RARB: variants seen among roughly 807,000 people sequenced by gnomAD.
The protein encoded by RARB is HBV-activated protein.
RARB carries 17 observed loss-of-function variants against 51.9 expected under a neutral mutation model. That is an observed-to-expected ratio of 0.33 (90% CI 0.22 to 0.49). The LOEUF (loss-of-function observed/expected upper bound fraction) is 0.49, where lower values mean the gene tolerates loss of function less well. RARB is among the 20% of genes least tolerant of loss of function. The pLI is 0.99. For missense variants in RARB, 369 were observed against 550.8 expected, an observed-to-expected ratio of 0.67 and a Z score of 3.30; for synonymous variants, 215 against 195.4, an observed-to-expected ratio of 1.10 and a Z score of -0.84.
At chr3:25,192,423 C>A (rs1156710146) in intron 5 of RARB, among the ~76,000 whole-genome samples, 1 of 151,976 alleles carries the variant, frequency 6.6e-6, no homozygotes, top group East Asian at 1.9e-4. Context: ...ATAAGATACA[C>A]CTATTCAATA....
At chr3:25,180,384 GAATC>G (rs1700837862) in intron 5 of RARB, among the ~76,000 whole-genome samples, 1 of 152,212 alleles carries the variant, frequency 6.6e-6, no homozygotes, top group Non-Finnish European at 1.5e-5. Context: ...GGAAAAGTTA[GAATC>G]ATGACAATGG....
intron 2 of RARB, among the ~76,000 whole-genome samples, chr3:24,913,211 C>T (rs964482158): frequency 4.6e-5 from 7 of 151,408 alleles, no homozygotes; most frequent in Admixed American, 2.0e-4. Context: ...GTCTCGATCT[C>T]CTGACCTCCT....
chr3:25,386,365 G>C (rs1008574376), intron 5 of RARB, among the ~76,000 whole-genome samples: 2 of 152,224 alleles, frequency 1.3e-5, no homozygotes, highest in African/African-American at 4.8e-5. Flanking sequence ...GCTAGCATGG[G>C]AGGGCCTTGT....
chr3:24,941,884 T>C, intron 2 of RARB, among the ~76,000 whole-genome samples: 1 of 152,210 alleles, frequency 6.6e-6, no homozygotes, highest in East Asian at 1.9e-4. Context: ...AAGCGTAAAC[T>C]TAATCTTCTG....
At chr3:25,233,921 A>G (rs1386872257) in intron 5 of RARB, among the ~76,000 whole-genome samples, 1 of 151,980 alleles carries the variant, frequency 6.6e-6, no homozygotes, top group Non-Finnish European at 1.5e-5. Flanking sequence ...TGTCCCCAGA[A>G]TAAACTCCCA....
intron 5 of RARB, among the ~76,000 whole-genome samples, chr3:25,275,150 C>G (rs550836979): frequency 6.6e-6 from 1 of 152,310 alleles, no homozygotes; most frequent in South Asian, 2.1e-4. Context: ...TACCCACAGA[C>G]TCTCCGTGAG....
chr3:25,322,559 T>C (rs896826449), intron 5 of RARB, among the ~76,000 whole-genome samples: 2 of 152,188 alleles, frequency 1.3e-5, no homozygotes, highest in African/African-American at 2.4e-5. Context: ...CTAATACTTA[T>C]GTGCTCTGGA....
chr3:25,164,788 A>G (rs935236651), intron 4 of RARB, among the ~76,000 whole-genome samples: 1 of 152,212 alleles, frequency 6.6e-6, no homozygotes, highest in African/African-American at 2.4e-5. Flanking sequence ...GTTTGACTAT[A>G]GCAAGTATGC....
chr3:25,407,089 T>C (rs1359145137), intron 5 of RARB, among the ~76,000 whole-genome samples: 3 of 152,224 alleles, frequency 2.0e-5, no homozygotes, highest in African/African-American at 7.2e-5. Flanking sequence ...ATTGGCTGCA[T>C]TCAGCCCGAT....
chr3:25,295,371 C>G (rs991233104), intron 5 of RARB, among the ~76,000 whole-genome samples: 8 of 152,112 alleles, frequency 5.3e-5, no homozygotes, highest in Non-Finnish European at 7.4e-5. Flanking sequence ...TGTCCTTCCA[C>G]TATGTGAGGA....
At chr3:25,364,303 G>A (rs560875475) in intron 5 of RARB, among the ~76,000 whole-genome samples, 1 of 152,278 alleles carries the variant, frequency 6.6e-6, no homozygotes, top group South Asian at 2.1e-4. Flanking sequence ...GTGGACTCAT[G>A]AGGGAATTGG....
intron 5 of RARB, among the ~76,000 whole-genome samples, chr3:25,267,282 G>A (rs1423014062): frequency 6.6e-6 from 1 of 152,132 alleles, no homozygotes; most frequent in Admixed American, 6.5e-5. Context: ...AGTATACAAG[G>A]CATTGTAAGG....
chr3:25,314,841 C>A (rs1231795815), intron 5 of RARB, among the ~76,000 whole-genome samples: 1 of 152,102 alleles, frequency 6.6e-6, no homozygotes, highest in African/African-American at 2.4e-5. Context: ...TCCTTACCTG[C>A]CTGCCTCCTC....
At chr3:24,958,120 T>C (rs1216565244) in intron 2 of RARB, among the ~76,000 whole-genome samples, 3 of 152,120 alleles carry the variant, frequency 2.0e-5, no homozygotes, top group Non-Finnish European at 4.4e-5. Flanking sequence ...AGCAGGGCTC[T>C]TGGAGCCCTA....
chr3:25,318,204 C>T (rs1413175751), intron 5 of RARB, among the ~76,000 whole-genome samples: 3 of 152,150 alleles, frequency 2.0e-5, no homozygotes, highest in African/African-American at 7.2e-5. Context: ...CAGTCACCAT[C>T]AGCACTAAAT....
At chr3:25,309,490 T>C (rs929092874) in intron 5 of RARB, among the ~76,000 whole-genome samples, 2 of 68,718 alleles carry the variant, frequency 2.9e-5, no homozygotes, top group Non-Finnish European at 2.9e-5. Flanking sequence ...TAGTTGCTTT[T>C]TTTTTTTTTT....
chr3:25,388,814 T>A (rs560944830), intron 5 of RARB, among the ~76,000 whole-genome samples: 4 of 152,240 alleles, frequency 2.6e-5, no homozygotes, highest in Admixed American at 1.3e-4. Context: ...TAGGAAGGCT[T>A]TTTTTCTATC....
In RARB at chr3:25,467,951, T is replaced by A. The variant is rs1695510512; in HGVS notation, c.306+6610T>A. 2.0e-5 allele frequency among the ~76,000 whole-genome samples: 3 copies of A among 152,066 alleles called. No individual in the cohort carries two copies. The South Asian group carries it at 6.2e-4, about 32-fold the overall frequency. ...ATTTGGAAAACAATAAACAGAATGGTCTAATAAAGAATAATTTAGGGGTAT... is the reference window on the plus strand; with the variant it reads ...ATTTGGAAAACAATAAACAGAATGGACTAATAAAGAATAATTTAGGGGTAT... On this transcript the variant is annotated intron_variant, in intron 2 of 7. Transcript: ENST00000330688.
chr3:25,247,350 C>G (rs978792842), intron 5 of RARB, among the ~76,000 whole-genome samples: 2 of 152,148 alleles, frequency 1.3e-5, no homozygotes, highest in African/African-American at 4.8e-5. Context: ...TGCTGGTGTT[C>G]CAGGTGCCAC....
Sources: gnomAD v4.1 joint callset for allele counts (sites outside exome capture counted in the v4.1 genomes callset) on GRCh38, gnomAD v4.1.1 for gene constraint, MANE v1.5 for transcripts, NCBI Gene and HGNC (gene_info 2026-07-23, HGNC 2026-07-21) for gene names.